The following RGS12 variants were observed in gnomAD, a reference collection of about 807,000 sequenced individuals.
The protein encoded by RGS12 is regulator of G-protein signaling 12.
Under a neutral mutation model 120.1 loss-of-function variants are expected in RGS12, and 66 were observed. The ratio of observed to expected loss-of-function variants is 0.55; its 90% CI spans 0.45 to 0.67. The LOEUF (loss-of-function observed/expected upper bound fraction) is 0.67. Ranked by LOEUF, RGS12 falls within the 30% of genes least tolerant of loss-of-function variation. The pLI is 0.00. For missense variants in RGS12, 1,859 were observed against 1,957.7 expected, an observed-to-expected ratio of 0.95 and a Z score of 0.95; for synonymous variants, 827 against 804.7, an observed-to-expected ratio of 1.03 and a Z score of -0.47.
intron 17 of RGS12, 171 bp downstream of exon 17, chr4:3,431,126 C>G: frequency 7.0e-7 from 1 of 1,433,940 alleles, no homozygotes; most frequent in Non-Finnish European, 9.1e-7. Flanking sequence ...AGGAGGGGCT[C>G]GTGTGGCCCC....
intron 1 of RGS12, among the ~76,000 whole-genome samples, chr4:3,298,804 G>C (rs1166170073): frequency 6.6e-6 from 1 of 152,146 alleles, no homozygotes; most frequent in Non-Finnish European, 1.5e-5. Flanking sequence ...AGTTACAGTA[G>C]TTTTTATTTC....
At chr4:3,394,285 C>G (rs562000646) in intron 4 of RGS12, among the ~76,000 whole-genome samples, 1 of 152,232 alleles carries the variant, frequency 6.6e-6, no homozygotes, top group Admixed American at 6.5e-5. Context: ...GCCTCAGTCT[C>G]TCAAGTAGCT....
rs1470320173 is a variant in RGS12, at chr4:3,366,798, G to A, written c.1999-19618G>A. Among the ~76,000 whole-genome samples, 1 of 152,164 alleles carries A rather than the reference G, an allele frequency of 6.6e-6. No individual in the cohort carries two copies. The highest frequency in any genetic ancestry group is 1.5e-5 in the Non-Finnish European group (1 of 68,012). On this transcript the variant is annotated intron_variant, in intron 3 of 17. Transcript: ENST00000336727. This position sits in a 1 kb window ranked among gnomAD's most constrained non-coding sequence, Gnocchi z 4.0. ...TGAGAGAGGCCTGGGAGACAGGTGA[G>A]TCTGTAAGGAGGCCCAGAGTCAAGG...
Position 3,311,011 on chromosome 4 carries a change from A to G in RGS12, c.-101-5059A>G, listed in dbSNP as rs1232643180. Among the ~76,000 whole-genome samples, 4 of 152,232 alleles carry G rather than the reference A, an allele frequency of 2.6e-5. No homozygotes were observed. In the East Asian group the frequency reaches 7.7e-4, roughly 29 times the overall value. ...CGAGAATTGTAACAGAGCCTTCCTC[A>G]GAGCGATGATGGTGTTTAGGATGAC... On this transcript the variant is annotated intron_variant, in intron 1 of 17. Coordinates refer to ENST00000336727, the MANE Select transcript of RGS12 (RefSeq NM_001394154.1).
intron 1 of RGS12, among the ~76,000 whole-genome samples, chr4:3,313,634 A>G (rs1724553285): frequency 6.6e-6 from 1 of 152,116 alleles, no homozygotes; most frequent in Non-Finnish European, 1.5e-5. Context: ...GGTGTGGCAG[A>G]GCTGGTTCCT....
chr4:3,288,778 A>G (rs1396843212), upstream of RGS12, among the ~76,000 whole-genome samples: 6 of 152,176 alleles, frequency 3.9e-5, no homozygotes, highest in African/African-American at 7.2e-5. The surrounding 1 kb of genome is among the most constrained non-coding windows in gnomAD (Gnocchi z 5.2). Context: ...CTTTGCACCG[A>G]TTCCCACATG....
chr4:3,368,078 G>T (rs1035460003), intron 3 of RGS12, among the ~76,000 whole-genome samples: 4 of 152,200 alleles, frequency 2.6e-5, no homozygotes, highest in Non-Finnish European at 5.9e-5. Context: ...GCATGCCCAG[G>T]CTGCCTTCGG....
intron 1 of RGS12, among the ~76,000 whole-genome samples, chr4:3,308,179 TC>T (rs1437226741): frequency 1.3e-5 from 2 of 152,224 alleles, no homozygotes; most frequent in Admixed American, 6.5e-5. Flanking sequence ...GAATTGCAGG[TC>T]TGCGTCTGCT....
chr4:3,313,344 G>A (rs1170062579), intron 1 of RGS12, among the ~76,000 whole-genome samples: 3 of 152,228 alleles, frequency 2.0e-5, no homozygotes, highest in Non-Finnish European at 4.4e-5. Context: ...ATGACCTGCT[G>A]TCCTGGGGCT....
At chr4:3,306,066 G>C (rs1723953540) in intron 1 of RGS12, among the ~76,000 whole-genome samples, 1 of 152,238 alleles carries the variant, frequency 6.6e-6, no homozygotes, top group African/African-American at 2.4e-5. Flanking sequence ...GATGAGCCCT[G>C]CTCTGCCTTG....
intron 3 of RGS12, 152 bp from the exon 4 acceptor site, chr4:3,386,264 G>T (rs998433812): frequency 4.2e-6 from 3 of 710,946 alleles, no homozygotes; most frequent in South Asian, 1.7e-5. Context: ...TGACTCATTG[G>T]GCCGTCTGGC....
intron 10 of RGS12, among the ~76,000 whole-genome samples, chr4:3,421,198 T>C (rs541979900): frequency 1.3e-5 from 2 of 152,266 alleles, no homozygotes; most frequent in South Asian, 2.1e-4. Flanking sequence ...TGGCTGGTGC[T>C]CGTCCTGGCC....
chr4:3,286,436 C>A, the RGS12 span, among the ~76,000 whole-genome samples: 1 of 152,366 alleles, frequency 6.6e-6, no homozygotes, highest in African/African-American at 2.4e-5. Context: ...AAAGCAGCTT[C>A]TGTCACTCAA....
chr4:3,416,273 A>G lies in RGS12; in HGVS notation c.2427+152A>G, dbSNP rs1577075556. On this transcript the variant is annotated intron_variant, in intron 7 of 17. Coordinates refer to ENST00000336727, the MANE Select transcript of RGS12 (RefSeq NM_001394154.1). ...AACGCAGACAGAAAGTGGGGCTTTCAGTAGGGTAGAGAAACGCAGACAGAA... is the reference window on the plus strand; with the variant it reads ...AACGCAGACAGAAAGTGGGGCTTTCGGTAGGGTAGAGAAACGCAGACAGAA... 6.9e-6 allele frequency: 6 copies of G among 874,128 alleles called. No homozygotes were observed. The East Asian group carries it at 8.1e-5, about 12-fold the overall frequency. 54.1% of individuals were successfully genotyped at this position (874,128 alleles called of 1,614,324 possible).
intron 4 of RGS12, among the ~76,000 whole-genome samples, chr4:3,396,558 C>T (rs1180504190): frequency 6.6e-6 from 1 of 152,188 alleles, no homozygotes; most frequent in Non-Finnish European, 1.5e-5. Flanking sequence ...GAAGCAACAC[C>T]TGTATCAGGT....
upstream of RGS12, among the ~76,000 whole-genome samples, chr4:3,292,000 C>A (rs950057662): frequency 6.6e-6 from 1 of 152,034 alleles, no homozygotes; most frequent in African/African-American, 2.4e-5. Context: ...GTGGCGGGGA[C>A]GGAGGGGAAG....
rs1713421809 is a variant in RGS12 at position 3,343,145 on chromosome 4, C to T, written c.1998+92C>T. The T allele has an allele frequency of 7.2e-6, 6 of 835,860 alleles. 1 individual carries two copies. In the South Asian group the frequency reaches 9.1e-5, roughly 13 times the overall value. 51.8% of individuals were successfully genotyped at this position (835,860 alleles called of 1,614,324 possible). A position where few individuals can be genotyped will look rare whatever the true frequency, so the allele number is the denominator to read the frequency against. Reference sequence around the variant, plus strand: ...ATACGTCTGGCTGTTTTTTGAGTCCCTGTGGTCCCCTCCCCTCCTCCTCTG... The same window carrying T: ...ATACGTCTGGCTGTTTTTTGAGTCCTTGTGGTCCCCTCCCCTCCTCCTCTG... On this transcript the variant is annotated intron_variant, in intron 3 of 17. Transcript: ENST00000336727.
intron 3 of RGS12, among the ~76,000 whole-genome samples, chr4:3,357,941 G>A (rs1252969334): frequency 1.3e-5 from 2 of 152,094 alleles, no homozygotes; most frequent in Non-Finnish European, 2.9e-5. Flanking sequence ...ATTGCTTTGG[G>A]GAGTATTGAC....
intron 1 of RGS12, among the ~76,000 whole-genome samples, chr4:3,308,515 A>G (rs908568562): frequency 6.6e-6 from 1 of 152,076 alleles, no homozygotes; most frequent in Non-Finnish European, 1.5e-5. Context: ...TGCGAGGTGT[A>G]TGGGGAGAAC....
Sources: allele counts gnomAD v4.1 joint callset (sites outside exome capture counted in the v4.1 genomes callset), GRCh38; gene constraint gnomAD v4.1.1; non-coding constraint Gnocchi (gnomAD v3.1); transcripts MANE v1.5; gene names NCBI Gene and HGNC (gene_info 2026-07-23, HGNC 2026-07-21).